Variants in NRXN1 observed in about 807,000 individuals in gnomAD.
NRXN1 encodes neurexin-1.
NRXN1 carries 39 observed loss-of-function variants against 150.9 expected under a neutral mutation model. The ratio of observed to expected loss-of-function variants is 0.26; its 90% CI spans 0.20 to 0.34. The LOEUF is 0.34. NRXN1 is among the 10% of genes least tolerant of loss of function. The pLI, the probability that NRXN1 is intolerant of heterozygous loss-of-function variation, is 1.00. For synonymous variants in NRXN1, 924 were observed against 757.0 expected (o/e 1.22, Z -3.62); for missense variants, 1,815 against 1,949.9 (o/e 0.93, Z 1.30).
intron 17 of NRXN1, among the ~76,000 whole-genome samples, chr2:50,326,950 A>T (rs773190547): frequency 6.6e-6 from 1 of 152,214 alleles, no homozygotes; most frequent in Non-Finnish European, 1.5e-5. Context: ...TAATTCTCAT[A>T]TATTATCAGT....
chr2:50,274,276 C>A (rs1336799357), intron 17 of NRXN1, among the ~76,000 whole-genome samples: 1 of 152,090 alleles, frequency 6.6e-6, no homozygotes, highest in African/African-American at 2.4e-5. Flanking sequence ...TAACATCATT[C>A]TCAGCTAACT....
At chr2:50,081,104 G>T (rs1014339925) in intron 19 of NRXN1, among the ~76,000 whole-genome samples, 2 of 152,188 alleles carry the variant, frequency 1.3e-5, no homozygotes, top group Admixed American at 6.5e-5. Context: ...TGGAGGCAGA[G>T]ATTCAAAGGA....
chr2:50,346,764 GAAA>G lies in NRXN1; in HGVS notation c.3365-109797_3365-109795del. 1 of 1,613,894 alleles carries G rather than the reference GAAA, an allele frequency of 6.2e-7. No individual in the cohort carries two copies. Among genetic ancestry groups the G allele is most frequent in the Non-Finnish European group, 8.5e-7 (1 of 1,179,962 alleles). On this transcript the variant is annotated intron_variant, in intron 17 of 22. Coordinates refer to ENST00000401669, the MANE Select transcript of NRXN1 (RefSeq NM_001330078.2). This position sits in a 1 kb window ranked among gnomAD's most constrained non-coding sequence, Gnocchi z 5.0. ...CTGAATGATGCTTGCTGCTGCCATG[GAAA>G]TGGTGGATGTGGTGCGCTCCCAAAC...
At chr2:50,210,121 A>G (rs1263208837) in intron 18 of NRXN1, among the ~76,000 whole-genome samples, 2 of 152,106 alleles carry the variant, frequency 1.3e-5, no homozygotes, top group South Asian at 4.1e-4. Flanking sequence ...AGTCAAGCCC[A>G]GGCAATGAGA....
At chr2:50,750,025 C>T (rs926701223) in intron 5 of NRXN1, among the ~76,000 whole-genome samples, 2 of 152,060 alleles carry the variant, frequency 1.3e-5, no homozygotes, top group African/African-American at 4.8e-5. Context: ...CCACAGTTAG[C>T]ATGGATTCTC....
intron 8 of NRXN1, among the ~76,000 whole-genome samples, chr2:50,601,803 A>C (rs1019856445): frequency 1.3e-5 from 2 of 152,210 alleles, no homozygotes; most frequent in Non-Finnish European, 2.9e-5. Context: ...ATATCATTAA[A>C]ATGTACCACT....
chr2:50,474,683 C>CAAAAAAAAAAAAAAAAA (rs754558377), intron 15 of NRXN1, among the ~76,000 whole-genome samples: 1 of 54,996 alleles, frequency 1.8e-5, no homozygotes, highest in Non-Finnish European at 3.1e-5. Flanking sequence ...ACAGAAATAG[C>CAAAAAAAAAAAAAAAAA]AAAAAAAAAA....
intron 17 of NRXN1, among the ~76,000 whole-genome samples, chr2:50,267,576 C>T (rs780017507): frequency 7.9e-5 from 12 of 152,106 alleles, no homozygotes; most frequent in Non-Finnish European, 1.2e-4. Context: ...AAATGTTAGG[C>T]TTTTTTCCTA....
chr2:50,227,925 C>T (rs1025621843), intron 18 of NRXN1, among the ~76,000 whole-genome samples: 2 of 152,010 alleles, frequency 1.3e-5, no homozygotes, highest in African/African-American at 2.4e-5. Flanking sequence ...TTAAAAGATA[C>T]TCAAACTTTT....
At position 50,803,982 on chromosome 2, in the gene NRXN1, T is replaced by C. The variant is rs117407779; in HGVS notation, c.832+117887A>G. On this transcript the variant is annotated intron_variant, in intron 5 of 22. Coordinates refer to ENST00000401669, the MANE Select transcript of NRXN1 (RefSeq NM_001330078.2). ...AAGCTTTGTTGCATTTTCCTTCAAA[T>C]TCTCTCTGGGTCAACACTTAAAGTA... is the stretch of plus-strand genomic sequence containing the variant. Among the ~76,000 whole-genome samples, 261 of 152,286 alleles carry C rather than the reference T, an allele frequency of 1.7e-3. 4 individuals carry two copies. In the East Asian group the frequency reaches 0.047, roughly 27 times the overall value.
rs796952572 is a variant in NRXN1 at position 50,503,315 on chromosome 2, C to CAA, written c.2497+3178_2497+3179dup. 2.3e-3 allele frequency among the ~76,000 whole-genome samples: 241 copies of CAA among 106,486 alleles called. 1 individual carries two copies. Among genetic ancestry groups the CAA allele is most frequent in the African/African-American group, 7.9e-3 (234 of 29,730 alleles). The allele number at this position is 106,486 out of a possible 152,430, so 69.9% of individuals were successfully genotyped here. ...AGAATGAGACTCCATCTCAAAAAAA[C>CAA]AAAAAAAAAAAGAAAGAAAGAAAAA... On this transcript the variant is annotated intron_variant, in intron 13 of 22. Transcript: ENST00000401669.
At chr2:50,193,326 T>C (rs927256703) in intron 18 of NRXN1, among the ~76,000 whole-genome samples, 2 of 152,192 alleles carry the variant, frequency 1.3e-5, no homozygotes, top group Non-Finnish European at 2.9e-5. Context: ...CTGTTAAATA[T>C]ATTTAGAGCC....
intron 8 of NRXN1, among the ~76,000 whole-genome samples, chr2:50,556,234 A>T (rs1381370223): frequency 2.0e-5 from 3 of 152,178 alleles, no homozygotes; most frequent in African/African-American, 7.2e-5. Context: ...AATCTAGTTC[A>T]ATTAGAATAA....
chr2:50,086,863 G>A (rs1350529090), intron 19 of NRXN1, among the ~76,000 whole-genome samples: 2 of 150,804 alleles, frequency 1.3e-5, no homozygotes, highest in Non-Finnish European at 2.9e-5. Flanking sequence ...AGCCGAAAAT[G>A]CGGGCATGTC....
rs144148011 is a variant in NRXN1, at chr2:50,957,621, A to G, written c.773-31666T>C. On this transcript the variant is annotated intron_variant, in intron 2 of 22. Transcript: ENST00000401669. ...CAATAAATGATTCTGCGGCTTTATC[A>G]TATGTATGAAATTTGTGAAGTAATT... Among the ~76,000 whole-genome samples, 568 of 152,316 alleles carry G rather than the reference A, an allele frequency of 3.7e-3. 2 individuals are homozygous for G. The highest frequency in any genetic ancestry group is 6.8e-3 in the Middle Eastern group (2 of 294).
chr2:50,837,849 C>T (rs1427206908), intron 5 of NRXN1, among the ~76,000 whole-genome samples: 1 of 152,020 alleles, frequency 6.6e-6, no homozygotes, highest in South Asian at 2.1e-4. Flanking sequence ...TTAGGAAATA[C>T]AGAAAACTTG....
intron 17 of NRXN1, among the ~76,000 whole-genome samples, chr2:50,419,480 A>G (rs1222821387): frequency 2.0e-5 from 3 of 152,030 alleles, no homozygotes; most frequent in Admixed American, 1.3e-4. Context: ...ATTATCATCC[A>G]AGTAATAACT....
At chr2:50,365,618 A>G (rs2079529616) in intron 17 of NRXN1, among the ~76,000 whole-genome samples, 1 of 152,050 alleles carries the variant, frequency 6.6e-6, no homozygotes, top group Non-Finnish European at 1.5e-5. Context: ...TGAGTTGCCC[A>G]GTTTTTAATG....
intron 5 of NRXN1, 122 bp from the exon 6 acceptor site, chr2:50,623,737 T>C (rs1279523125): frequency 1.2e-5 from 8 of 686,112 alleles, no homozygotes; most frequent in Non-Finnish European, 1.9e-5. Context: ...TTTCATGACA[T>C]GAACTCTGTC....
Sources: allele counts gnomAD v4.1 joint callset (sites outside exome capture counted in the v4.1 genomes callset), GRCh38; gene constraint gnomAD v4.1.1; non-coding constraint Gnocchi (gnomAD v3.1); transcripts MANE v1.5; gene names NCBI Gene and HGNC (gene_info 2026-07-23, HGNC 2026-07-21).